The following ATXN1 variants were observed in gnomAD, a reference collection of about 807,000 sequenced individuals.
The protein encoded by ATXN1 is ataxin-1.
In ATXN1, 8 loss-of-function variants were observed where a neutral mutation model predicts 56.4. The observed-to-expected ratio is 0.14, with a 90% CI of 0.08 to 0.26. The LOEUF is 0.26. Ranked by LOEUF, ATXN1 falls within the 10% of genes least tolerant of loss-of-function variation. The pLI is 1.00. For synonymous variants in ATXN1, 514 were observed against 494.6 expected (o/e 1.04, Z -0.52); for missense variants, 987 against 1,106.5 (o/e 0.89, Z 1.53).
chr6:16,350,540 G>A (rs116923572), intron 6 of ATXN1, among the ~76,000 whole-genome samples: 8 of 152,280 alleles, frequency 5.3e-5, no homozygotes, highest in East Asian at 1.9e-4. Flanking sequence ...TATATCCAGC[G>A]ACTCCCCTAA....
Position 16,326,272 on chromosome 6 carries a change from T to G in ATXN1, c.1917+122A>C. The G allele has an allele frequency of 6.8e-7, 1 of 1,471,612 alleles. No homozygotes were observed. The highest frequency in any genetic ancestry group is 8.9e-7 in the Non-Finnish European group (1 of 1,117,444). 91.2% of individuals were successfully genotyped at this position (1,471,612 alleles called of 1,614,324 possible). A position where few individuals can be genotyped will look rare whatever the true frequency, so the allele number is the denominator to read the frequency against. On this transcript the variant is annotated intron_variant, in intron 7 of 7. Coordinates refer to ENST00000436367, the MANE Select transcript of ATXN1 (RefSeq NM_001128164.2). This position sits in a 1 kb window ranked among gnomAD's most constrained non-coding sequence, Gnocchi z 6.6. The stretch of plus-strand genomic sequence containing the variant: ...GAACGCAGTTGGGAAAGGCCGAGTC[T>G]AAGGTCTAGGTGTACCCGAGAACCC...
chr6:16,743,559 C>T (rs911693115), intron 2 of ATXN1, among the ~76,000 whole-genome samples: 2 of 152,202 alleles, frequency 1.3e-5, no homozygotes, highest in African/African-American at 4.8e-5. Context: ...ATGTATTGCC[C>T]ATTCACTAGA....
chr6:16,331,254 A>G lies in ATXN1; in HGVS notation c.-160-2784T>C, dbSNP rs188896022. The stretch of plus-strand genomic sequence containing the variant: ...GACCTCAAATGATCCACCAGCCTCT[A>G]CCTCCCAAAGTGCTGGGATTACAGG... On this transcript the variant is annotated intron_variant, in intron 6 of 7. Transcript: ENST00000436367. Among the ~76,000 whole-genome samples, 793 of 151,902 alleles carry G rather than the reference A, an allele frequency of 5.2e-3. 6 individuals are homozygous for G. Among genetic ancestry groups the G allele is most frequent in the African/African-American group, 0.018 (755 of 41,422 alleles).
intron 6 of ATXN1, among the ~76,000 whole-genome samples, chr6:16,464,746 T>TAAAA (rs34230333): frequency 7.1e-6 from 1 of 140,032 alleles, no homozygotes. Context: ...ACAGGGATAG[T>TAAAA]AAAAAAAAAA....
At chr6:16,541,590 C>A (rs1041874560) in intron 4 of ATXN1, among the ~76,000 whole-genome samples, 1 of 152,170 alleles carries the variant, frequency 6.6e-6, no homozygotes, top group Non-Finnish European at 1.5e-5. Context: ...TTTGAGAAAT[C>A]TGGGATTCTT....
intron 4 of ATXN1, among the ~76,000 whole-genome samples, chr6:16,531,482 G>C (rs892791004): frequency 2.0e-5 from 3 of 152,136 alleles, no homozygotes; most frequent in African/African-American, 7.2e-5. Flanking sequence ...AATGAGCTGG[G>C]CGTGGTGGCA....
At chr6:16,594,892 C>T (rs891688990) in intron 3 of ATXN1, among the ~76,000 whole-genome samples, 2 of 152,208 alleles carry the variant, frequency 1.3e-5, no homozygotes, top group Non-Finnish European at 2.9e-5. Flanking sequence ...AGAGTTACTT[C>T]GTAAGATGAC....
intron 6 of ATXN1, among the ~76,000 whole-genome samples, chr6:16,348,465 A>G (rs916437128): frequency 1.3e-5 from 2 of 151,912 alleles, no homozygotes; most frequent in African/African-American, 4.8e-5. Flanking sequence ...TCAGAGGCCG[A>G]GGGGGGGCAG....
intron 4 of ATXN1, among the ~76,000 whole-genome samples, chr6:16,582,645 C>G (rs978619705): frequency 2.6e-5 from 4 of 152,136 alleles, no homozygotes; most frequent in African/African-American, 9.7e-5. Flanking sequence ...TGGAAACAAC[C>G]AAAAACTGCT....
chr6:16,312,778 G>A (rs1386742685), intron 7 of ATXN1, among the ~76,000 whole-genome samples: 7 of 152,060 alleles, frequency 4.6e-5, no homozygotes, highest in Admixed American at 4.6e-4. Context: ...AAATGTCTAT[G>A]GTCCTCAGTC....
intron 6 of ATXN1, among the ~76,000 whole-genome samples, chr6:16,418,617 T>C (rs1462173909): frequency 2.0e-5 from 3 of 151,756 alleles, no homozygotes; most frequent in Non-Finnish European, 2.9e-5. Context: ...TGCAGGTTAG[T>C]TGCATATGTA....
chr6:16,746,247 C>T (rs970919001), intron 2 of ATXN1, among the ~76,000 whole-genome samples: 1 of 152,132 alleles, frequency 6.6e-6, no homozygotes, highest in Admixed American at 6.6e-5. Context: ...ACAACAAACC[C>T]TCTCAAATGT....
At chr6:16,686,264 A>C (rs1758915494) in intron 2 of ATXN1, among the ~76,000 whole-genome samples, 1 of 152,214 alleles carries the variant, frequency 6.6e-6, no homozygotes, top group South Asian at 2.1e-4. Context: ...CAGATACTAA[A>C]ATATACAACT....
At chr6:16,450,755 C>T (rs1007648133) in intron 6 of ATXN1, among the ~76,000 whole-genome samples, 8 of 152,172 alleles carry the variant, frequency 5.3e-5, no homozygotes, top group South Asian at 2.1e-4. Flanking sequence ...GCTGCTCCAG[C>T]GACCAAAATC....
chr6:16,316,542 C>T (rs1760512446), intron 7 of ATXN1, among the ~76,000 whole-genome samples: 1 of 152,046 alleles, frequency 6.6e-6, no homozygotes, highest in African/African-American at 2.4e-5. Context: ...GTCAGGAGTT[C>T]AAGACCAGCC....
chr6:16,726,646 C>T (rs2113477931), intron 2 of ATXN1, among the ~76,000 whole-genome samples: 1 of 152,140 alleles, frequency 6.6e-6, no homozygotes, highest in East Asian at 1.9e-4. Flanking sequence ...GGGTGGATCA[C>T]TTGAGGTCAG....
At chr6:16,677,537 T>C (rs1015608697) in intron 2 of ATXN1, among the ~76,000 whole-genome samples, 4 of 152,208 alleles carry the variant, frequency 2.6e-5, no homozygotes, top group Non-Finnish European at 5.9e-5. Flanking sequence ...AAGATGGGGA[T>C]ACAAAACTTG....
intron 6 of ATXN1, among the ~76,000 whole-genome samples, chr6:16,373,781 C>T (rs139812958): frequency 2.6e-5 from 4 of 152,180 alleles, no homozygotes; most frequent in African/African-American, 7.2e-5. Context: ...TCCCCAGCCA[C>T]GTGGAACTGT....
chr6:16,589,355 T>A (rs1366515541), intron 3 of ATXN1, among the ~76,000 whole-genome samples: 1 of 151,656 alleles, frequency 6.6e-6, no homozygotes, highest in African/African-American at 2.4e-5. Context: ...GCGTGGCACA[T>A]AAATTAACAA....
Sources: gnomAD v4.1 joint callset for allele counts (sites outside exome capture counted in the v4.1 genomes callset) on GRCh38, gnomAD v4.1.1 for gene constraint, Gnocchi (gnomAD v3.1) non-coding constraint, MANE v1.5 for transcripts, NCBI Gene and HGNC (gene_info 2026-07-23, HGNC 2026-07-21) for gene names.